SH3KBP1: variants seen among roughly 807,000 people sequenced by gnomAD.
The protein encoded by SH3KBP1 is SH3 domain-containing kinase-binding protein 1.
Under a neutral mutation model 50.1 loss-of-function variants are expected in SH3KBP1, and 8 were observed. The observed-to-expected ratio is 0.16, with a 90% CI of 0.09 to 0.29. The LOEUF (loss-of-function observed/expected upper bound fraction) is 0.29, where lower values mean the gene tolerates loss of function less well. Among genes scored for constraint, SH3KBP1 ranks in the 10% least tolerant of loss-of-function variants. SH3KBP1 has a pLI of 1.00. For missense variants in SH3KBP1, 377 were observed against 535.2 expected, an observed-to-expected ratio of 0.70 and a Z score of 2.92; for synonymous variants, 227 against 218.6, an observed-to-expected ratio of 1.04 and a Z score of -0.34.
intron 1 of SH3KBP1, among the ~76,000 whole-genome samples, chrX:19,865,420 G>C (rs1258062909): frequency 8.9e-6 from 1 of 112,099 alleles, no homozygotes; most frequent in African/African-American, 3.2e-5. Context: ...CTGCTTAATA[G>C]AGGGTGGAGG....
chrX:19,541,831 C>G (rs1222501328), intron 16 of SH3KBP1, 94 bp downstream of exon 16: 26 of 1,060,800 alleles, frequency 2.5e-5, no homozygotes, highest in Non-Finnish European at 3.2e-5. Flanking sequence ...GGCCCGCCCT[C>G]CAAGGCAGGC....
chrX:19,875,189 C>T (rs2069210099), intron 1 of SH3KBP1, among the ~76,000 whole-genome samples: 1 of 111,581 alleles, frequency 9.0e-6, no homozygotes, highest in African/African-American at 3.3e-5. Context: ...CATGCTATCA[C>T]CAACCCATCC....
chrX:19,564,733 C>T (rs1445945244), intron 13 of SH3KBP1, among the ~76,000 whole-genome samples: 1 of 112,139 alleles, frequency 8.9e-6, no homozygotes, highest in Non-Finnish European at 1.9e-5. Context: ...ACACAAGTTG[C>T]ACTTGCAGGG....
intron 2 of SH3KBP1, among the ~76,000 whole-genome samples, chrX:19,784,761 C>T (rs1422480036): frequency 9.0e-6 from 1 of 110,888 alleles, no homozygotes; most frequent in Non-Finnish European, 1.9e-5. Context: ...AGGCATACCA[C>T]ACCTGACTAA....
chrX:19,587,222 CAAAAA>C (rs762405835), intron 12 of SH3KBP1, among the ~76,000 whole-genome samples: 1 of 36,750 alleles, frequency 2.7e-5, no homozygotes. Context: ...AACTCTGCCT[CAAAAA>C]AAAAAAAAAA....
chrX:19,692,424 T>C (rs2063309390), intron 5 of SH3KBP1, among the ~76,000 whole-genome samples: 1 of 110,583 alleles, frequency 9.0e-6, no homozygotes, highest in Non-Finnish European at 1.9e-5. Flanking sequence ...AGTCTTGGCA[T>C]ACTCCCTTAT....
intron 2 of SH3KBP1, among the ~76,000 whole-genome samples, chrX:19,820,486 T>C (rs188287087): frequency 1.8e-5 from 2 of 111,904 alleles, no homozygotes; most frequent in Non-Finnish European, 3.8e-5. Context: ...TTTTCTTTGC[T>C]CTCTGGTCTA....
chrX:19,664,903 T>C (rs1456144112), intron 6 of SH3KBP1, among the ~76,000 whole-genome samples: 6 of 112,532 alleles, frequency 5.3e-5, no homozygotes, highest in Admixed American at 9.4e-5. Flanking sequence ...ACGTAAAATA[T>C]ACAAGGCATC....
At chrX:19,585,655 C>G (rs950518989) in intron 12 of SH3KBP1, among the ~76,000 whole-genome samples, 13 of 110,645 alleles carry the variant, frequency 1.2e-4, no homozygotes, top group Non-Finnish European at 2.3e-4. Flanking sequence ...GAATCTAGAG[C>G]AATGGGTGTC....
intron 6 of SH3KBP1, chrX:19,670,925 G>C (rs1165271188): frequency 8.7e-7 from 1 of 1,155,452 alleles, no homozygotes; most frequent in Admixed American, 2.6e-5. Context: ...AACTCCCCTG[G>C]AATCCTCCCA....
intron 1 of SH3KBP1, among the ~76,000 whole-genome samples, chrX:19,885,404 C>CT (rs776106508): frequency 1.8e-5 from 2 of 111,982 alleles, no homozygotes; most frequent in Non-Finnish European, 3.8e-5. Flanking sequence ...ATTATCACCT[C>CT]TAAGTATTAA....
At chrX:19,783,912 A>C (rs2147132002) in intron 2 of SH3KBP1, among the ~76,000 whole-genome samples, 1 of 111,767 alleles carries the variant, frequency 8.9e-6, no homozygotes, top group Non-Finnish European at 1.9e-5. Flanking sequence ...TACTTCCAAG[A>C]CATTAGGGAA....
At chrX:19,764,901 C>T (rs181041024) in intron 2 of SH3KBP1, among the ~76,000 whole-genome samples, 183 of 105,665 alleles carry the variant, frequency 1.7e-3, no homozygotes, top group Non-Finnish European at 3.2e-3. Flanking sequence ...CTCTGCCTCC[C>T]GGGTTCAAGC....
rs766709854 is a variant in SH3KBP1, at chrX:19,590,508, C to T, written c.1138+1559G>A. 8.1e-5 allele frequency among the ~76,000 whole-genome samples: 9 copies of T among 111,489 alleles called. No homozygotes were observed. The South Asian group carries it at 3.4e-3, about 42-fold the overall frequency. On this transcript the variant is annotated intron_variant, in intron 11 of 17. Coordinates refer to ENST00000397821, the MANE Select transcript of SH3KBP1 (RefSeq NM_031892.3). The stretch of plus-strand genomic sequence containing the variant: ...TGGTCAGCCAACTAGGGTGGTTGTT[C>T]ACATGTAAGCCTAGTCCATATGTCA...
At chrX:19,676,548 C>T (rs2062934024) in intron 6 of SH3KBP1, among the ~76,000 whole-genome samples, 1 of 111,142 alleles carries the variant, frequency 9.0e-6, no homozygotes, top group African/African-American at 3.3e-5. Flanking sequence ...ATACCCCATT[C>T]TCCATGATGT....
At chrX:19,822,531 T>C (rs1029262284) in intron 2 of SH3KBP1, among the ~76,000 whole-genome samples, 1 of 112,445 alleles carries the variant, frequency 8.9e-6, no homozygotes, top group East Asian at 2.8e-4. Context: ...TTGCTGAGAT[T>C]TTCTAATTTT....
chrX:19,757,356 G>A (rs1255923632), intron 2 of SH3KBP1, among the ~76,000 whole-genome samples: 4 of 109,425 alleles, frequency 3.7e-5, no homozygotes, highest in Non-Finnish European at 7.6e-5. Context: ...GAGCTCCAAG[G>A]TCTTTACCCT....
chrX:19,563,714 C>T (rs2065751536), intron 13 of SH3KBP1, among the ~76,000 whole-genome samples: 1 of 112,110 alleles, frequency 8.9e-6, no homozygotes, highest in Admixed American at 9.4e-5. Flanking sequence ...CACCGCAGCC[C>T]GTCATATGCA....
chrX:19,780,542 C>T (rs1184553574), intron 2 of SH3KBP1, among the ~76,000 whole-genome samples: 8 of 107,318 alleles, frequency 7.5e-5, no homozygotes, highest in Admixed American at 4.0e-4. Flanking sequence ...AATGGTATTG[C>T]CTAGGTTTTC....
Sources: gnomAD v4.1 joint callset for allele counts (sites outside exome capture counted in the v4.1 genomes callset) on GRCh38, gnomAD v4.1.1 for gene constraint, MANE v1.5 for transcripts, NCBI Gene and HGNC (gene_info 2026-07-23, HGNC 2026-07-21) for gene names.